MYH15: variants seen among roughly 807,000 people sequenced by gnomAD.
The protein encoded by MYH15 is myosin heavy chain 15, also known as myosin-15.
In MYH15, 227 loss-of-function variants were observed where a neutral mutation model predicts 240.5. That is an observed-to-expected ratio of 0.94 (90% CI 0.85 to 1.05). MYH15 has a LOEUF of 1.05. Among genes scored for constraint, MYH15 ranks in the 50% least tolerant of loss-of-function variants. MYH15 has a pLI of 0.00. For missense variants in MYH15, 2,217 were observed against 2,247.5 expected, an observed-to-expected ratio of 0.99 and a Z score of 0.27; for synonymous variants, 785 against 796.7, an observed-to-expected ratio of 0.99 and a Z score of 0.25.
At chr3:108,404,297 G>A (rs1480414923) in intron 33 of MYH15, among the ~76,000 whole-genome samples, 1 of 151,998 alleles carries the variant, frequency 6.6e-6, no homozygotes, top group Admixed American at 6.6e-5. Context: ...CAGTTCAATT[G>A]AACATGTTAA....
chr3:108,475,015 A>G (rs1050048858), intron 12 of MYH15, among the ~76,000 whole-genome samples: 1 of 152,180 alleles, frequency 6.6e-6, no homozygotes, highest in African/African-American at 2.4e-5. Flanking sequence ...AGAATTATCC[A>G]TTTATAGAGT....
intron 1 of MYH15, among the ~76,000 whole-genome samples, chr3:108,523,201 T>A (rs1321649660): frequency 6.6e-6 from 1 of 152,096 alleles, no homozygotes. Flanking sequence ...AAGTTCCAAA[T>A]TGGCTATCTC....
At chr3:108,421,783 A>G (rs2082686341) in intron 27 of MYH15, among the ~76,000 whole-genome samples, 1 of 152,164 alleles carries the variant, frequency 6.6e-6, no homozygotes, top group African/African-American at 2.4e-5. Flanking sequence ...GCAACAGCCT[A>G]ATAACAAAAT....
Position 108,398,639 on chromosome 3 carries a change from G to A in MYH15, c.5131C>T (p.Gln1711Ter). ...TAGGGAGAGTATATGGGCCCCACCT[G>A]GGTATAGAAAAGATTGATTCTTTCT... is the stretch of plus-strand genomic sequence containing the variant. ...ATERINLFYT[Q>*]NTSLLSQKKK... is the part of the protein sequence containing the mutation. Residue 1711 changes from glutamine to a stop codon, truncating the protein, a stop_gained and splice_region_variant, in exon 35 of 41, where the codon CAG (glutamine) becomes TAG (stop). Transcript: ENST00000693548. LOFTEE classifies it high-confidence loss of function. The A allele has an allele frequency of 1.2e-6, 2 of 1,612,710 alleles. No individual in the cohort carries two copies. The highest frequency in any genetic ancestry group is 1.7e-6 in the Non-Finnish European group (2 of 1,179,992).
At chr3:108,402,181 C>T (rs1289445532) in intron 33 of MYH15, among the ~76,000 whole-genome samples, 1 of 152,098 alleles carries the variant, frequency 6.6e-6, no homozygotes, top group Non-Finnish European at 1.5e-5. Context: ...AGCTATTTTG[C>T]TACCATGTCT....
the MYH15 span, among the ~76,000 whole-genome samples, chr3:108,545,944 T>C: frequency 6.6e-6 from 1 of 152,182 alleles, no homozygotes; most frequent in Non-Finnish European, 1.5e-5. Flanking sequence ...AATATTACTG[T>C]ACATAAATCT....
intron 14 of MYH15, among the ~76,000 whole-genome samples, chr3:108,466,577 T>C (rs1348369074): frequency 6.6e-6 from 1 of 152,120 alleles, no homozygotes; most frequent in Non-Finnish European, 1.5e-5. Context: ...ACACCTTCCT[T>C]ATGGCAGGGA....
intron 7 of MYH15, 69 bp downstream of exon 7, chr3:108,495,711 C>T: frequency 1.7e-6 from 2 of 1,210,884 alleles, no homozygotes; most frequent in Admixed American, 4.1e-5. Flanking sequence ...TACCTATGTG[C>T]TTACATATAA....
chr3:108,455,463 C>T (rs1013468227), intron 20 of MYH15, among the ~76,000 whole-genome samples: 17 of 152,188 alleles, frequency 1.1e-4, no homozygotes, highest in East Asian at 3.8e-4. Context: ...TTTCTCATAA[C>T]ATCAGGTTGA....
At chr3:108,420,069 T>C (rs1266347658) in intron 28 of MYH15, among the ~76,000 whole-genome samples, 4 of 151,866 alleles carry the variant, frequency 2.6e-5, no homozygotes, top group Non-Finnish European at 4.4e-5. Context: ...CAAAAGCTTA[T>C]GATAAATTGA....
chr3:108,518,255 T>C (rs1559675328), intron 1 of MYH15, among the ~76,000 whole-genome samples: 1 of 152,198 alleles, frequency 6.6e-6, no homozygotes, highest in East Asian at 1.9e-4. Flanking sequence ...ATCTCTAGTT[T>C]TAAATCCAGA....
At chr3:108,518,215 A>T (rs1417114287) in intron 1 of MYH15, among the ~76,000 whole-genome samples, 1 of 152,226 alleles carries the variant, frequency 6.6e-6, no homozygotes, top group Non-Finnish European at 1.5e-5. Context: ...TTATATGAAA[A>T]CACTGAGTCT....
chr3:108,431,246 T>C (rs942677944), intron 25 of MYH15, among the ~76,000 whole-genome samples: 1 of 152,254 alleles, frequency 6.6e-6, no homozygotes, highest in African/African-American at 2.4e-5. Flanking sequence ...TCAATGATTA[T>C]ACCTACATCT....
the MYH15 span, among the ~76,000 whole-genome samples, chr3:108,535,587 G>A: frequency 6.6e-6 from 1 of 152,002 alleles, no homozygotes; most frequent in Non-Finnish European, 1.5e-5. Context: ...TGTCTGGTGG[G>A]TCCCAGTAAT....
chr3:108,494,820 G>C (rs188360939), intron 7 of MYH15, among the ~76,000 whole-genome samples: 2 of 152,030 alleles, frequency 1.3e-5, no homozygotes, highest in East Asian at 3.9e-4. Flanking sequence ...GATGTTCTTC[G>C]CTTTCTTCCT....
intron 29 of MYH15, among the ~76,000 whole-genome samples, chr3:108,414,968 A>G (rs1576218942): frequency 6.6e-6 from 1 of 152,338 alleles, no homozygotes; most frequent in East Asian, 1.9e-4. Context: ...TACACTGTCC[A>G]ATATGGTAAA....
rs2082583524 is a variant in MYH15 at position 108,410,644 on chromosome 3, G to A, written c.4434C>T (p.Asn1478=). 1 of 1,614,040 alleles carries A rather than the reference G, an allele frequency of 6.2e-7. No homozygotes were observed. The highest frequency in any genetic ancestry group is 8.5e-7 in the Non-Finnish European group (1 of 1,179,936). ...GGCCCACGATGCTCTCCTCATAGGTGTTCTTGAGCTTGAGGAGCTCTGTAC... is the reference window on the plus strand; with the variant it reads ...GGCCCACGATGCTCTCCTCATAGGTATTCTTGAGCTTGAGGAGCTCTGTAC... ...ALSTELLKLK[N]TYEESIVGQE... is the part of the protein sequence containing the mutation. Residue 1478 remains asparagine, a synonymous_variant, in exon 31 of 41, where the codon AAC becomes AAT. Transcript: ENST00000693548.
At position 108,439,788 on chromosome 3, in the gene MYH15, C is replaced by T. The variant is rs371047184; in HGVS notation, c.3024G>A (p.Lys1008=). The change falls in exon 24 of 41, where the codon AAG becomes AAA. Residue 1008 remains lysine, a synonymous_variant. Transcript: ENST00000693548. The stretch of plus-strand genomic sequence containing the variant: ...GATTTGCTTTGCTCAGGCTGCTGAG[C>T]TTCTCCTCCTCCATGTGCAGGTCAT... ...TLDDLHMEEE[K]LSSLSKANLK... is the part of the protein sequence containing the mutation. 199 of 1,612,574 alleles carry T rather than the reference C, an allele frequency of 1.2e-4. No homozygotes were observed. The highest frequency in any genetic ancestry group is 1.6e-4 in the Non-Finnish European group (185 of 1,179,454).
rs1348060424 is a variant in MYH15, at chr3:108,470,096, C to T, written c.1500G>A (p.Trp500Ter). Residue 500 changes from tryptophan (W) to a stop codon, truncating the protein, a stop_gained, in exon 14 of 41, where the codon TGG becomes TGA. Transcript: ENST00000693548. LOFTEE classifies it high-confidence loss of function. Reference sequence around the variant, plus strand: ...AATCCAGACCAAAGCCAATAGACACCCATTCAATGCTTTCTTTCTTATATT... The same window carrying T: ...AATCCAGACCAAAGCCAATAGACACTCATTCAATGCTTTCTTTCTTATATT... ...QEEYKKESIEWVSIGFGLDLQ... is the reference protein window; with the variant it reads ...QEEYKKESIE 1 of 1,611,782 alleles carries T rather than the reference C, an allele frequency of 6.2e-7. No individual in the cohort carries two copies. Among genetic ancestry groups the T allele is most frequent in the Non-Finnish European group, 8.5e-7 (1 of 1,179,164 alleles).
Sources: allele counts gnomAD v4.1 joint callset (sites outside exome capture counted in the v4.1 genomes callset), GRCh38; gene constraint gnomAD v4.1.1; transcripts MANE v1.5; gene names NCBI Gene and HGNC (gene_info 2026-07-23, HGNC 2026-07-21).